The following TCTN1 variants were observed in gnomAD, a reference collection of about 807,000 sequenced individuals.
TCTN1 encodes the protein tectonic-1.
Under a neutral mutation model 65.8 loss-of-function variants are expected in TCTN1, and 58 were observed. The observed-to-expected ratio is 0.88, with a 90% CI of 0.71 to 1.10. The LOEUF (loss-of-function observed/expected upper bound fraction) is 1.10. Among genes scored for constraint, TCTN1 ranks in the 50% least tolerant of loss-of-function variants. The probability of loss-of-function intolerance (pLI) is 0.00; values close to 1 mark genes in which losing one functional copy is unlikely to be tolerated. For missense variants in TCTN1, 645 were observed against 719.4 expected, an observed-to-expected ratio of 0.90 and a Z score of 1.18; for synonymous variants, 273 against 289.1, an observed-to-expected ratio of 0.94 and a Z score of 0.57.
chr12:110,623,590 A>G (rs149618022), intron 2 of TCTN1, among the ~76,000 whole-genome samples: 25 of 152,344 alleles, frequency 1.6e-4, no homozygotes, highest in African/African-American at 5.8e-4. Context: ...AGATGTATGT[A>G]TAAGGTTGTC....
rs766457542 is a variant in TCTN1, at chr12:110,641,116, A to G, written c.1071A>G (p.Pro357=). The change falls in exon 9 of 15, where the codon CCA becomes CCG. Residue 357 remains proline (P), a synonymous_variant. Coordinates refer to ENST00000397659, the MANE Select transcript of TCTN1 (RefSeq NM_001082538.3). ...GGACAGTTAGCAGCGTAGTGGTCCC[A>G]CTGCAGCAAAAGTTTGAAATTCATT... The part of the protein sequence containing the change: ...VLGTVSSVVV[P]LQQKFEIHFL... 2.5e-6 allele frequency: 4 copies of G among 1,614,268 alleles called. No homozygotes were observed. In the South Asian group the frequency reaches 4.4e-5, roughly 18 times the overall value.
At chr12:110,647,945 T>G in intron 14 of TCTN1, 52 bp downstream of exon 14, 1 of 1,609,574 alleles carries the variant, frequency 6.2e-7, no homozygotes, top group Non-Finnish European at 8.5e-7. Flanking sequence ...TTGGAAAGTG[T>G]GCACGTGGGG....
chr12:110,636,552 C>A, intron 7 of TCTN1, 51 bp downstream of exon 7: 2 of 1,086,760 alleles, frequency 1.8e-6, no homozygotes, highest in Non-Finnish European at 1.4e-6. Context: ...GTTTATAATA[C>A]TGTCTTATTT....
chr12:110,647,264 C>T lies in TCTN1; in HGVS notation c.1563C>T (p.Tyr521=), dbSNP rs368907353. 1.2e-4 allele frequency: 191 copies of T among 1,614,138 alleles called. 1 individual carries two copies. The African/African-American group carries it at 1.4e-3, about 11-fold the overall frequency. The change falls in exon 13 of 15, where the codon TAC becomes TAT. Residue 521 remains tyrosine (Y), a synonymous_variant. Coordinates refer to ENST00000397659, the MANE Select transcript of TCTN1 (RefSeq NM_001082538.3). ...TTATAGAAGTGAAGTGGACTAAATACGGATCCCTGCTGAATCCACAGGCCA... is the reference window on the plus strand; with the variant it reads ...TTATAGAAGTGAAGTGGACTAAATATGGATCCCTGCTGAATCCACAGGCCA... ...ALVIEVKWTK[Y]GSLLNPQAKI... is the part of the protein sequence containing the mutation.
intron 13 of TCTN1, 79 bp from the exon 14 acceptor site, chr12:110,647,670 A>C: frequency 6.3e-7 from 1 of 1,594,836 alleles, no homozygotes; most frequent in Non-Finnish European, 8.6e-7. Flanking sequence ...TGGGTGAGGA[A>C]GAGAATGAAA....
At position 110,642,336 on chromosome 12, in the gene TCTN1, G is replaced by A. The variant is rs1234841679; in HGVS notation, c.1278G>A (p.Gly426=). The change falls in exon 11 of 15, where the codon GGG becomes GGA. Residue 426 remains glycine, a synonymous_variant. Transcript: ENST00000397659. The part of the protein sequence containing the change: ...TTEQDCLALE[G]VRTPVLFGYT... ...AGCAAGACTGCTTAGCACTGGAGGG[G>A]GTCCGGACCCCAGTATTATTTGGTT... 1 of 1,614,012 alleles carries A rather than the reference G, an allele frequency of 6.2e-7. No individual in the cohort carries two copies. Among genetic ancestry groups the A allele is most frequent in the Non-Finnish European group, 8.5e-7 (1 of 1,180,042 alleles).
At chr12:110,641,461 T>C in intron 9 of TCTN1, 81 bp from the exon 10 acceptor site, 1 of 1,356,778 alleles carries the variant, frequency 7.4e-7, no homozygotes, top group Non-Finnish European at 1.1e-6. Flanking sequence ...CCATATTTTA[T>C]TATGAAAGAA....
In TCTN1 at chr12:110,632,744, C is replaced by T. The variant is rs11065683; in HGVS notation, c.712+185C>T. Among the ~76,000 whole-genome samples the T allele has an allele frequency of 0.054, 8,244 of 152,098 alleles. 316 individuals carry two copies. Among genetic ancestry groups the T allele is most frequent in the African/African-American group, 0.11 (4,417 of 41,460 alleles). On this transcript the variant is annotated intron_variant, in intron 5 of 14. Coordinates refer to ENST00000397659, the MANE Select transcript of TCTN1 (RefSeq NM_001082538.3). ...GCCTCGTAACTAAAAACAGAATCTT[C>T]GGGTTAAAAGAGGCCTCAAAGGTCA...
At chr12:110,638,861 A>G (rs2066761663) in intron 7 of TCTN1, among the ~76,000 whole-genome samples, 2 of 152,242 alleles carry the variant, frequency 1.3e-5, no homozygotes, top group Non-Finnish European at 2.9e-5. Context: ...GTGTTAAACA[A>G]GAGCTAATTG....
intron 1 of TCTN1, among the ~76,000 whole-genome samples, chr12:110,619,293 A>G (rs2065259317): frequency 6.6e-6 from 1 of 152,212 alleles, no homozygotes; most frequent in Non-Finnish European, 1.5e-5. Flanking sequence ...CTGAGCCGGT[A>G]TGATTCTTGG....
intron 1 of TCTN1, 62 bp downstream of exon 1, chr12:110,614,464 G>A (rs1297780261): frequency 1.9e-6 from 3 of 1,553,154 alleles, no homozygotes; most frequent in East Asian, 2.4e-5. Context: ...GACAGCCCCG[G>A]TGAGGACGTA....
At chr12:110,634,635 A>ATT in intron 5 of TCTN1, 35 bp from the exon 6 acceptor site, 2 of 1,499,700 alleles carry the variant, frequency 1.3e-6, no homozygotes, top group South Asian at 1.2e-5. Flanking sequence ...TCTCTTTTGT[A>ATT]TTTTTTTTTC....
chr12:110,630,785 A>G (rs1235964804), intron 4 of TCTN1, among the ~76,000 whole-genome samples: 2 of 152,226 alleles, frequency 1.3e-5, no homozygotes, highest in Non-Finnish European at 2.9e-5. Context: ...GCATCTTCCC[A>G]TGTCAATATA....
chr12:110,642,095 T>C lies in TCTN1; in HGVS notation c.1191-154T>C. On this transcript the variant is annotated intron_variant, in intron 10 of 14. Transcript: ENST00000397659. ...ATTTATTAAGGAAAATAGAACTGTT[T>C]TTTTGCCTGCTCCTGGGAAATAGCT... is the stretch of plus-strand genomic sequence containing the variant. The C allele has an allele frequency of 3.2e-6, 3 of 940,314 alleles. No homozygotes were observed. The South Asian group carries it at 4.4e-5, about 14-fold the overall frequency. The allele number at this position is 940,314 out of a possible 1,614,324, so 58.2% of individuals were successfully genotyped here.
chr12:110,620,215 G>A (rs995414963), intron 2 of TCTN1, among the ~76,000 whole-genome samples: 2 of 152,014 alleles, frequency 1.3e-5, no homozygotes, highest in Non-Finnish European at 2.9e-5. Context: ...GGACCATTCT[G>A]GCTAACACGG....
At chr12:110,647,969 G>A in intron 14 of TCTN1, 76 bp downstream of exon 14, 1 of 1,595,764 alleles carries the variant, frequency 6.3e-7, no homozygotes, top group South Asian at 1.1e-5. Flanking sequence ...GAAGTCCCTA[G>A]GGGATACTGC....
At chr12:110,635,307 C>T (rs1298311252) in intron 6 of TCTN1, among the ~76,000 whole-genome samples, 1 of 152,194 alleles carries the variant, frequency 6.6e-6, no homozygotes, top group East Asian at 1.9e-4. Context: ...GCCACTGGCC[C>T]ACATGACAGA....
At chr12:110,638,622 C>G (rs918884560) in intron 7 of TCTN1, among the ~76,000 whole-genome samples, 1 of 152,172 alleles carries the variant, frequency 6.6e-6, no homozygotes, top group African/African-American at 2.4e-5. Flanking sequence ...GTTTCCTTCT[C>G]GGGACAGTTG....
intron 4 of TCTN1, chr12:110,630,026 G>A (rs2066128654): frequency 6.6e-6 from 1 of 152,116 alleles, no homozygotes; most frequent in Non-Finnish European, 1.5e-5. Flanking sequence ...TGAACAATGA[G>A]AACACATGGA....
Sources: gnomAD v4.1 joint callset for allele counts (sites outside exome capture counted in the v4.1 genomes callset) on GRCh38, gnomAD v4.1.1 for gene constraint, MANE v1.5 for transcripts, NCBI Gene and HGNC (gene_info 2026-07-23, HGNC 2026-07-21) for gene names.